Variants in MYH14 observed in about 807,000 individuals in gnomAD.
MYH14 encodes myosin-14.
MYH14 carries 123 observed loss-of-function variants against 255.5 expected under a neutral mutation model. The ratio of observed to expected loss-of-function variants is 0.48; its 90% CI spans 0.42 to 0.56. The LOEUF (loss-of-function observed/expected upper bound fraction) is 0.56, where lower values mean the gene tolerates loss of function less well. Among genes scored for constraint, MYH14 ranks in the 20% least tolerant of loss-of-function variants. The pLI, the probability that MYH14 is intolerant of heterozygous loss-of-function variation, is 0.00. For missense variants in MYH14, 2,423 were observed against 2,802.3 expected, an observed-to-expected ratio of 0.86 and a Z score of 3.06; for synonymous variants, 1,095 against 1,161.2, an observed-to-expected ratio of 0.94 and a Z score of 1.16.
chr19:50,265,575 G>A (rs1320756843), intron 22 of MYH14, among the ~76,000 whole-genome samples: 2 of 151,996 alleles, frequency 1.3e-5, no homozygotes, highest in African/African-American at 2.4e-5. Context: ...AATCCCAGCA[G>A]TTTGGGAGGC....
rs377081835 is a variant in MYH14 at position 50,286,694 on chromosome 19, C to T, written c.4752C>T (p.Ser1584=). ...LLSSKDDVGK[S]VHELERACRV... is the part of the protein sequence containing the mutation. Reference sequence around the variant, plus strand: ...GCAGCAAGGATGACGTCGGCAAGAGCGTGAGCAGGGCCCCCGCTCCCCGGG... The same window carrying T: ...GCAGCAAGGATGACGTCGGCAAGAGTGTGAGCAGGGCCCCCGCTCCCCGGG... The change falls in exon 34 of 43, where the codon AGC becomes AGT. Residue 1584 remains serine, a splice_region_variant and synonymous_variant. Transcript: ENST00000642316. The T allele has an allele frequency of 1.3e-4, 211 of 1,566,782 alleles. No individual in the cohort carries two copies. Among genetic ancestry groups the T allele is most frequent in the South Asian group, 1.8e-4 (15 of 85,162 alleles).
chr19:50,309,556 C>A, intron 42 of MYH14, 84 bp from the exon 43 acceptor site: 1 of 869,240 alleles, frequency 1.2e-6, no homozygotes, highest in Admixed American at 2.1e-5. Flanking sequence ...TCTCTCTCCC[C>A]CTCATCTCTC....
In MYH14 at chr19:50,272,628, A is replaced by T; in HGVS notation, c.3364A>T (p.Ser1122Cys). 2 of 1,575,820 alleles carry T rather than the reference A, an allele frequency of 1.3e-6. No individual in the cohort carries two copies. The highest frequency in any genetic ancestry group is 2.3e-5 in the South Asian group (2 of 85,824). Residue 1122 changes from serine to cysteine, a missense_variant, in exon 27 of 43, where the codon AGC becomes TGC. Physicochemically the swap from Ser to Cys is moderately radical, Grantham distance 112. Transcript: ENST00000642316. ...EKLKRRLDGE[S>C]SELQEQMVEQ... is the part of the protein sequence containing the mutation. ...GCTGAAGCGGAGGCTGGATGGGGAGAGCTCAGAGCTGCAGGAGCAGATGGT... is the reference window on the plus strand; with the variant it reads ...GCTGAAGCGGAGGCTGGATGGGGAGTGCTCAGAGCTGCAGGAGCAGATGGT...
rs1407925871 is a variant in MYH14, at chr19:50,281,768, G to A, written c.4465G>A (p.Asp1489Asn). 11 of 1,612,560 alleles carry A rather than the reference G, an allele frequency of 6.8e-6. No homozygotes were observed. The highest frequency in any genetic ancestry group is 4.5e-5 in the East Asian group (2 of 44,870). ...CCGCCGGCTGCAGCAGGAGCTGGAC[G>A]ACGCCACCATGGACCTGGAGCAGCA... ...GRRRLQQELD[D>N]ATMDLEQQRQ... Residue 1489 changes from aspartate (D) to asparagine (N), a missense_variant, in exon 33 of 43, where the codon GAC (aspartate) becomes AAC (asparagine). By Grantham distance (23) the Asp-to-Asn change is conservative. Around this residue, in one of 3 missense-constraint regions of MYH14, gnomAD observed 1,513 missense variants for 1,674.8 expected, o/e 0.90. Coordinates refer to ENST00000642316, the MANE Select transcript of MYH14 (RefSeq NM_001145809.2).
chr19:50,272,531 T>G (rs2035342390), intron 26 of MYH14, 29 bp from the exon 27 acceptor site: 1 of 1,553,680 alleles, frequency 6.4e-7, no homozygotes, highest in Non-Finnish European at 8.7e-7. Context: ...CCTGGAGTCC[T>G]CATGCACGGC....
chr19:50,260,817 G>A (rs900624724), intron 20 of MYH14, 102 bp downstream of exon 20: 14 of 801,784 alleles, frequency 1.7e-5, no homozygotes, highest in Admixed American at 9.9e-5. Flanking sequence ...ATGCGTGTGT[G>A]TGCAAGTGTG....
intron 39 of MYH14, among the ~76,000 whole-genome samples, chr19:50,297,039 G>T (rs990091752): frequency 1.3e-5 from 2 of 152,024 alleles, no homozygotes; most frequent in African/African-American, 4.8e-5. Flanking sequence ...AGACTGGAGT[G>T]CCGTGGTGTG....
chr19:50,220,773 G>A (rs1242860770), intron 3 of MYH14, among the ~76,000 whole-genome samples: 2 of 151,958 alleles, frequency 1.3e-5, no homozygotes, highest in African/African-American at 2.4e-5. Flanking sequence ...GGCTGGTCTC[G>A]AACTCCTGAC....
chr19:50,264,308 G>A (rs985067137), intron 22 of MYH14, among the ~76,000 whole-genome samples: 1 of 152,138 alleles, frequency 6.6e-6, no homozygotes, highest in Non-Finnish European at 1.5e-5. Flanking sequence ...CACACACATG[G>A]TGACCTCAGT....
intron 12 of MYH14, among the ~76,000 whole-genome samples, chr19:50,248,612 CTG>C (rs910104084): frequency 1.2e-4 from 19 of 152,182 alleles, no homozygotes; most frequent in African/African-American, 4.6e-4. Context: ...GAGGAGAAAA[CTG>C]AGGCACAGAG....
chr19:50,230,595 G>A lies in MYH14; in HGVS notation c.945G>A (p.Leu315=), dbSNP rs528002710. 1.5e-5 allele frequency: 24 copies of A among 1,566,258 alleles called. No homozygotes were observed. The South Asian group carries it at 2.6e-4, about 17-fold the overall frequency. ...GCAGCTTCCACATCTTCTACCAGCT[G>A]CTGGGGGGCGCTGGAGAGCAGCTCA... ...DECSFHIFYQ[L]LGGAGEQLKA... The change falls in exon 9 of 43, where the codon CTG becomes CTA. Residue 315 remains leucine, a synonymous_variant. Transcript: ENST00000642316. The surrounding 1 kb of genome is among the most constrained non-coding windows in gnomAD (Gnocchi z 4.7).
At position 50,268,315 on chromosome 19, in the gene MYH14, A is replaced by G. The variant is rs1160285390; in HGVS notation, c.2981A>G (p.Glu994Gly). Residue 994 changes from glutamate (E) to glycine (G), a missense_variant, in exon 24 of 43, where the codon GAG becomes GGG. Physicochemically the swap from Glu to Gly is moderately conservative, Grantham distance 98. This residue lies in a region of MYH14 where 1,513 missense variants were observed against 1,674.8 expected (regional missense o/e 0.90). Coordinates refer to ENST00000642316, the MANE Select transcript of MYH14 (RefSeq NM_001145809.2). ...ELEARVGEEE[E>G]CSRQMQTEKK... The stretch of plus-strand genomic sequence containing the variant: ...GAGGCTCGCGTGGGCGAGGAGGAGG[A>G]GTGCAGCCGTCAAATGCAAACCGAG... 1 of 1,588,634 alleles carries G rather than the reference A, an allele frequency of 6.3e-7. No homozygotes were observed. The highest frequency in any genetic ancestry group is 8.6e-7 in the Non-Finnish European group (1 of 1,168,836).
At chr19:50,215,024 G>A (rs2032398454) in intron 2 of MYH14, among the ~76,000 whole-genome samples, 1 of 152,106 alleles carries the variant, frequency 6.6e-6, no homozygotes, top group African/African-American at 2.4e-5. Context: ...GGAGCGGGGG[G>A]GCAGGTCTGT....
intron 34 of MYH14, among the ~76,000 whole-genome samples, chr19:50,288,462 G>C (rs1478797790): frequency 6.6e-6 from 1 of 152,184 alleles, no homozygotes; most frequent in Non-Finnish European, 1.5e-5. Flanking sequence ...AAAAATGTCA[G>C]GTTATTTGTA....
intron 21 of MYH14, among the ~76,000 whole-genome samples, chr19:50,262,046 G>A (rs567324065): frequency 6.6e-6 from 1 of 152,274 alleles, no homozygotes; most frequent in East Asian, 1.9e-4. Context: ...CCCAGTCCCG[G>A]GTGAGACCTG....
intron 10 of MYH14, among the ~76,000 whole-genome samples, chr19:50,238,261 G>A (rs1255265067): frequency 6.6e-6 from 1 of 152,172 alleles, no homozygotes; most frequent in Non-Finnish European, 1.5e-5. Context: ...CAGGGCATCA[G>A]ATGCGCCCTG....
intron 33 of MYH14, 26 bp from the exon 34 acceptor site, chr19:50,286,456 C>G: frequency 6.3e-7 from 1 of 1,599,408 alleles, no homozygotes; most frequent in South Asian, 1.1e-5. Context: ...CTATTTCCCC[C>G]TACCCCATCT....
At chr19:50,306,739 A>G (rs557193185) in intron 40 of MYH14, among the ~76,000 whole-genome samples, 1 of 152,332 alleles carries the variant, frequency 6.6e-6, no homozygotes, top group African/African-American at 2.4e-5. Flanking sequence ...GGGCCCAAAG[A>G]GTAAACTGTA....
intron 34 of MYH14, among the ~76,000 whole-genome samples, chr19:50,287,124 AAG>A (rs1381216629): frequency 6.6e-6 from 1 of 152,224 alleles, no homozygotes; most frequent in Non-Finnish European, 1.5e-5. Context: ...TCAAAAAAAA[AAG>A]AGAACAAGAG....
Sources: gnomAD v4.1 joint callset for allele counts (sites outside exome capture counted in the v4.1 genomes callset) on GRCh38, gnomAD v4.1.1 for gene constraint, gnomAD v4.1.1 regional missense constraint, Gnocchi (gnomAD v3.1) non-coding constraint, MANE v1.5 for transcripts, NCBI Gene and HGNC (gene_info 2026-07-23, HGNC 2026-07-21) for gene names.